Variants in CNTN4 observed in about 807,000 individuals in gnomAD.
CNTN4 encodes contactin 4.
Under a neutral mutation model 122.5 loss-of-function variants are expected in CNTN4, and 77 were observed. The ratio of observed to expected loss-of-function variants is 0.63; its 90% CI spans 0.52 to 0.76. The LOEUF (loss-of-function observed/expected upper bound fraction) is 0.76. CNTN4 is among the 30% of genes least tolerant of loss of function. The pLI is 0.00. For synonymous variants in CNTN4, 512 were observed against 447.0 expected, an observed-to-expected ratio of 1.15 and a Z score of -1.83; for missense variants, 1,256 against 1,259.1, an observed-to-expected ratio of 1.00 and a Z score of 0.04.
intron 18 of CNTN4, chr3:3,037,639 A>G: frequency 2.5e-6 from 1 of 393,422 alleles, no homozygotes; most frequent in South Asian, 2.4e-5. Flanking sequence ...ATTTCAAAAA[A>G]AAATCCCACA....
At chr3:2,443,898 T>C (rs2616569) in intron 3 of CNTN4, among the ~76,000 whole-genome samples, 46,173 of 152,018 alleles carry the variant, frequency 0.3, 7,316 homozygotes, top group Admixed American at 0.39. Context: ...TAGTTTATCT[T>C]GTTTTTGCTA....
At chr3:2,617,162 G>A (rs1186121085) in intron 4 of CNTN4, among the ~76,000 whole-genome samples, 2 of 152,080 alleles carry the variant, frequency 1.3e-5, no homozygotes, top group Non-Finnish European at 2.9e-5. Context: ...AAACTAAAGA[G>A]CTTCTGCACA....
intron 7 of CNTN4, among the ~76,000 whole-genome samples, chr3:2,823,844 C>T (rs1381930644): frequency 1.3e-5 from 2 of 152,082 alleles, no homozygotes; most frequent in African/African-American, 4.8e-5. Context: ...AAGATGCTTG[C>T]GACTCAAAGG....
intron 12 of CNTN4, among the ~76,000 whole-genome samples, chr3:2,910,774 C>A (rs1290028780): frequency 6.6e-6 from 1 of 152,176 alleles, no homozygotes; most frequent in Non-Finnish European, 1.5e-5. Flanking sequence ...GGAGCCTAAT[C>A]TAAGGAGTAT....
intron 7 of CNTN4, among the ~76,000 whole-genome samples, chr3:2,858,554 T>C (rs1400050202): frequency 6.6e-6 from 1 of 152,088 alleles, no homozygotes; most frequent in African/African-American, 2.4e-5. Context: ...GGTGAAACCC[T>C]GTCTTTACCA....
intron 3 of CNTN4, among the ~76,000 whole-genome samples, chr3:2,511,888 C>T (rs1226212827): frequency 6.6e-6 from 1 of 152,054 alleles, no homozygotes; most frequent in Non-Finnish European, 1.5e-5. Context: ...AAATAGGAGC[C>T]TTTCAGAATG....
chr3:2,592,180 C>G (rs2600301), intron 4 of CNTN4, among the ~76,000 whole-genome samples: 59,362 of 152,062 alleles, frequency 0.39, 14,060 homozygotes, highest in East Asian at 0.57. Context: ...TGTGCCCGGC[C>G]TTCATTAAAG....
chr3:2,549,471 C>T (rs1244173267), intron 3 of CNTN4, among the ~76,000 whole-genome samples: 1 of 152,092 alleles, frequency 6.6e-6, no homozygotes, highest in Non-Finnish European at 1.5e-5. Context: ...TGGTTTTTGT[C>T]TTTGCTTCTG....
intron 3 of CNTN4, among the ~76,000 whole-genome samples, chr3:2,543,634 C>A (rs1293430591): frequency 6.6e-6 from 1 of 152,104 alleles, no homozygotes; most frequent in Non-Finnish European, 1.5e-5. Context: ...TTCATTGCTC[C>A]ATCTCTGCTA....
At chr3:2,228,239 CT>C (rs72139519) in intron 2 of CNTN4, among the ~76,000 whole-genome samples, 29,846 of 151,900 alleles carry the variant, frequency 0.2, 3,464 homozygotes, top group South Asian at 0.38. Flanking sequence ...TTCTCTTCTT[CT>C]TTTTTGTGTT....
intron 2 of CNTN4, among the ~76,000 whole-genome samples, chr3:2,251,300 T>C (rs1575174041): frequency 6.6e-6 from 1 of 151,888 alleles, no homozygotes; most frequent in African/African-American, 2.4e-5. Context: ...ATTCCCAAGG[T>C]ATTGTTTACC....
intron 4 of CNTN4, among the ~76,000 whole-genome samples, chr3:2,686,410 G>A (rs985935389): frequency 2.0e-5 from 3 of 151,832 alleles, no homozygotes; most frequent in Non-Finnish European, 2.9e-5. Context: ...CCCTACCCCC[G>A]ACACACACCC....
At chr3:2,955,896 A>G (rs879550232) in intron 13 of CNTN4, among the ~76,000 whole-genome samples, 1 of 152,226 alleles carries the variant, frequency 6.6e-6, no homozygotes, top group Non-Finnish European at 1.5e-5. Context: ...TGTCCTCAAA[A>G]AAATTAAAAG....
chr3:2,167,501 T>C (rs1239509814), intron 2 of CNTN4, among the ~76,000 whole-genome samples: 2 of 152,198 alleles, frequency 1.3e-5, no homozygotes, highest in Non-Finnish European at 2.9e-5. Context: ...TTATGATGAA[T>C]TGGAAACATA....
At chr3:2,170,204 C>T (rs1217468680) in intron 2 of CNTN4, among the ~76,000 whole-genome samples, 1 of 151,564 alleles carries the variant, frequency 6.6e-6, no homozygotes, top group East Asian at 1.9e-4. Context: ...CCTGTAGTCC[C>T]AGCTACTCGG....
At chr3:2,325,189 C>T (rs529504032) in intron 2 of CNTN4, among the ~76,000 whole-genome samples, 26 of 152,120 alleles carry the variant, frequency 1.7e-4, no homozygotes, top group East Asian at 9.7e-4. Context: ...CACATAAGAG[C>T]GAATGCAGAA....
At chr3:2,107,734 A>C (rs767794481) in intron 2 of CNTN4, among the ~76,000 whole-genome samples, 4 of 152,092 alleles carry the variant, frequency 2.6e-5, no homozygotes, top group Admixed American at 6.5e-5. Flanking sequence ...GATTTATTAG[A>C]CCAAGCAAAA....
At chr3:2,785,583 A>G (rs2091779084) in intron 6 of CNTN4, among the ~76,000 whole-genome samples, 1 of 152,234 alleles carries the variant, frequency 6.6e-6, no homozygotes, top group South Asian at 2.1e-4. Flanking sequence ...ATAATCACAA[A>G]TGTTTAACAC....
At chr3:3,052,907 A>T (rs1290640626) in intron 23 of CNTN4, among the ~76,000 whole-genome samples, 2 of 152,102 alleles carry the variant, frequency 1.3e-5, no homozygotes, top group Non-Finnish European at 2.9e-5. Flanking sequence ...ATCATAACTT[A>T]TTGTGCCTGG....
Sources: allele counts gnomAD v4.1 joint callset (sites outside exome capture counted in the v4.1 genomes callset), GRCh38; gene constraint gnomAD v4.1.1; transcripts MANE v1.5; gene names NCBI Gene and HGNC (gene_info 2026-07-23, HGNC 2026-07-21).